ITK: variants seen among roughly 807,000 people sequenced by gnomAD.
ITK encodes the protein tyrosine-protein kinase ITK/TSK.
A neutral mutation model predicts 87.6 loss-of-function variants in ITK; 45 were observed. That is an observed-to-expected ratio of 0.51 (90% CI 0.40 to 0.66). The LOEUF (loss-of-function observed/expected upper bound fraction) is 0.66. Among genes scored for constraint, ITK ranks in the 30% least tolerant of loss-of-function variants. The probability of loss-of-function intolerance (pLI) is 0.00; values close to 1 mark genes in which losing one functional copy is unlikely to be tolerated. For missense variants in ITK, 605 were observed against 766.3 expected, an observed-to-expected ratio of 0.79 and a Z score of 2.48; for synonymous variants, 303 against 273.6, an observed-to-expected ratio of 1.11 and a Z score of -1.06.
intron 8 of ITK, among the ~76,000 whole-genome samples, chr5:157,236,970 G>A (rs1040403316): frequency 1.4e-4 from 22 of 152,164 alleles, no homozygotes; most frequent in African/African-American, 5.1e-4. Flanking sequence ...TGGTAGGAAT[G>A]TTCATTAGTT....
chr5:157,229,352 C>T (rs759011270), intron 7 of ITK, among the ~76,000 whole-genome samples: 62 of 152,122 alleles, frequency 4.1e-4, no homozygotes, highest in Non-Finnish European at 2.6e-4. Flanking sequence ...CCGTCTGAAA[C>T]AGTCAATCCA....
chr5:157,190,419 T>C (rs1343128123), intron 1 of ITK, among the ~76,000 whole-genome samples: 1 of 152,234 alleles, frequency 6.6e-6, no homozygotes, highest in Non-Finnish European at 1.5e-5. Flanking sequence ...TGTAAATAGC[T>C]GCTCTGTGCC....
intron 3 of ITK, among the ~76,000 whole-genome samples, chr5:157,212,920 A>T (rs1021366509): frequency 2.2e-4 from 33 of 152,138 alleles, no homozygotes; most frequent in African/African-American, 8.0e-4. Flanking sequence ...GCCCTCTGTG[A>T]AGGGATTTTA....
chr5:157,195,252 A>G (rs1753830426), intron 1 of ITK: 1 of 152,190 alleles, frequency 6.6e-6, no homozygotes, highest in Non-Finnish European at 1.5e-5. Flanking sequence ...AAACCTCAAT[A>G]ACATGAAGTT....
intron 1 of ITK, among the ~76,000 whole-genome samples, chr5:157,186,317 A>G (rs1561645416): frequency 1.3e-5 from 2 of 151,978 alleles, no homozygotes; most frequent in Non-Finnish European, 2.9e-5. Flanking sequence ...CAAATGCCCC[A>G]GGACAAATCC....
At chr5:157,194,020 A>G (rs1753804872) in intron 1 of ITK, among the ~76,000 whole-genome samples, 1 of 152,206 alleles carries the variant, frequency 6.6e-6, no homozygotes, top group African/African-American at 2.4e-5. Context: ...TGGAGCTACG[A>G]GGACGGTAAG....
intron 4 of ITK, among the ~76,000 whole-genome samples, chr5:157,215,077 A>T (rs1005770802): frequency 3.3e-5 from 5 of 152,264 alleles, no homozygotes; most frequent in South Asian, 4.1e-4. Context: ...TTTCACATTT[A>T]TTATGCTCTT....
At chr5:157,231,505 A>G (rs1354227603) in intron 7 of ITK, among the ~76,000 whole-genome samples, 5 of 152,184 alleles carry the variant, frequency 3.3e-5, no homozygotes, top group African/African-American at 1.2e-4. Flanking sequence ...CCTCTAACGA[A>G]TCCATGAATT....
At position 157,202,397 on chromosome 5, in the gene ITK, A is replaced by C. The variant is rs1753995668; in HGVS notation, c.139-6492A>C. Among the ~76,000 whole-genome samples, 4 of 152,136 alleles carry C rather than the reference A, an allele frequency of 2.6e-5. No individual in the cohort carries two copies. The South Asian group carries it at 8.3e-4, about 31-fold the overall frequency. Reference sequence around the variant, plus strand: ...CCCAGCTAATTTTTATATTTTTAGTAGAGATGGGGTTTCACCATGTTGCCC... The same window carrying C: ...CCCAGCTAATTTTTATATTTTTAGTCGAGATGGGGTTTCACCATGTTGCCC... On this transcript the variant is annotated intron_variant, in intron 1 of 16. Coordinates refer to ENST00000422843, the MANE Select transcript of ITK (RefSeq NM_005546.4).
Position 157,214,177 on chromosome 5 carries a change from C to G in ITK, c.326-14C>G. 6.2e-7 allele frequency: 1 copy of G among 1,609,912 alleles called. No individual in the cohort carries two copies. The highest frequency in any genetic ancestry group is 1.1e-5 in the South Asian group (1 of 90,994). Reference sequence around the variant, plus strand: ...CCTGGAAATAACTCTTCTGTTGGTGCCAACCTGTTTCAGAAACGAGGAATA... The same window carrying G: ...CCTGGAAATAACTCTTCTGTTGGTGGCAACCTGTTTCAGAAACGAGGAATA... On this transcript the variant is annotated splice_polypyrimidine_tract_variant and intron_variant, in intron 3 of 16. Transcript: ENST00000422843.
rs577750881 is a variant in ITK, at chr5:157,252,965, C to T, written c.*287C>T. ...ATGTGGTGCACAAACCTCAACCTGA[C>T]AGCTTTCAGACAGCATTCTTGCACT... On this transcript the variant is annotated 3_prime_UTR_variant, in exon 17 of 17. Transcript: ENST00000422843. The T allele has an allele frequency of 4.1e-6, 2 of 493,548 alleles. No individual in the cohort carries two copies. Among genetic ancestry groups the T allele is most frequent in the Non-Finnish European group, 7.5e-6 (2 of 267,876 alleles). 30.6% of individuals were successfully genotyped at this position (493,548 alleles called of 1,614,324 possible).
intron 5 of ITK, 78 bp downstream of exon 5, chr5:157,217,985 C>T (rs1024837927): frequency 3.2e-6 from 4 of 1,254,252 alleles, no homozygotes; most frequent in Non-Finnish European, 3.5e-6. Flanking sequence ...GCATGTCCCC[C>T]TCTCCCCATA....
intron 4 of ITK, 56 bp from the exon 5 acceptor site, chr5:157,217,811 G>T (rs1246441499): frequency 6.5e-7 from 1 of 1,530,224 alleles, no homozygotes; most frequent in Admixed American, 1.7e-5. Context: ...CTCACTTCCG[G>T]TTGGGTCCAT....
At chr5:157,188,634 T>C (rs531679919) in intron 1 of ITK, among the ~76,000 whole-genome samples, 1 of 152,276 alleles carries the variant, frequency 6.6e-6, no homozygotes, top group East Asian at 1.9e-4. Flanking sequence ...TGTTTGCTTG[T>C]TTGTCTGAAA....
chr5:157,209,062 G>A lies in ITK; in HGVS notation c.243+69G>A, dbSNP rs1299568747. The A allele has an allele frequency of 1.3e-5, 14 of 1,073,078 alleles. No individual in the cohort carries two copies. In the African/African-American group the frequency reaches 2.2e-4, roughly 17 times the overall value. The allele number at this position is 1,073,078 out of a possible 1,614,324, so 66.5% of individuals were successfully genotyped here. On this transcript the variant is annotated intron_variant, in intron 2 of 16. Coordinates refer to ENST00000422843, the MANE Select transcript of ITK (RefSeq NM_005546.4). ...TTAAAATCTTCAGTCACAGCCGGGT[G>A]CAGTGGTTCAAGCCTGTAATCCTAG...
chr5:157,191,524 A>C (rs1753753506), intron 1 of ITK, among the ~76,000 whole-genome samples: 1 of 152,202 alleles, frequency 6.6e-6, no homozygotes, highest in Admixed American at 6.5e-5. Flanking sequence ...GAAGACATCA[A>C]TTTACTATCT....
intron 1 of ITK, among the ~76,000 whole-genome samples, chr5:157,188,684 G>A (rs758119573): frequency 3.3e-5 from 5 of 152,094 alleles, no homozygotes; most frequent in African/African-American, 7.2e-5. Context: ...ATGCAGTGGC[G>A]GAATCTTGGG....
chr5:157,193,542 T>A (rs530296394), intron 1 of ITK, among the ~76,000 whole-genome samples: 1 of 152,224 alleles, frequency 6.6e-6, no homozygotes, highest in African/African-American at 2.4e-5. Context: ...ATATTCACAA[T>A]AACCACATTC....
chr5:157,233,414 C>T (rs560570608), intron 8 of ITK, among the ~76,000 whole-genome samples: 4 of 152,220 alleles, frequency 2.6e-5, no homozygotes, highest in Non-Finnish European at 4.4e-5. Flanking sequence ...AGAAGTTGAG[C>T]TGAGTCCTTA....
Sources: gnomAD v4.1 joint callset for allele counts (sites outside exome capture counted in the v4.1 genomes callset) on GRCh38, gnomAD v4.1.1 for gene constraint, MANE v1.5 for transcripts, NCBI Gene and HGNC (gene_info 2026-07-23, HGNC 2026-07-21) for gene names.